DHX9: variants seen among roughly 807,000 people sequenced by gnomAD.
DHX9 encodes the protein ATP-dependent RNA helicase A.
A neutral mutation model predicts 148.7 loss-of-function variants in DHX9; 27 were observed. The ratio of observed to expected loss-of-function variants is 0.18; its 90% CI spans 0.13 to 0.25. DHX9 has a LOEUF of 0.25. Among genes scored for constraint, DHX9 ranks in the 10% least tolerant of loss-of-function variants. The pLI, the probability that DHX9 is intolerant of heterozygous loss-of-function variation, is 1.00. For missense variants in DHX9, 796 were observed against 1,559.6 expected (o/e 0.51, Z 8.25); for synonymous variants, 529 against 516.6 (o/e 1.02, Z -0.33).
intron 7 of DHX9, among the ~76,000 whole-genome samples, chr1:182,857,328 G>A (rs971475765): frequency 3.3e-5 from 5 of 152,144 alleles, no homozygotes; most frequent in African/African-American, 1.2e-4. Flanking sequence ...CTCTCCTAAG[G>A]ATGAATGATA....
intron 21 of DHX9, among the ~76,000 whole-genome samples, chr1:182,880,128 A>C (rs533742510): frequency 3.3e-5 from 5 of 152,190 alleles, no homozygotes; most frequent in African/African-American, 1.2e-4. Context: ...TTTATCTACT[A>C]TGTAACTTCA....
intron 3 of DHX9, among the ~76,000 whole-genome samples, chr1:182,847,427 A>G (rs984117989): frequency 2.0e-5 from 3 of 152,140 alleles, no homozygotes; most frequent in African/African-American, 7.2e-5. Flanking sequence ...TCAAACTGCA[A>G]ATGCTGTCTT....
intron 3 of DHX9, among the ~76,000 whole-genome samples, chr1:182,851,117 A>G (rs1465619080): frequency 3.3e-5 from 5 of 152,306 alleles, no homozygotes; most frequent in Middle Eastern, 3.4e-3. Context: ...AATAGGTTCT[A>G]CTTTGTCTCC....
Position 182,871,712 on chromosome 1 carries a change from G to A in DHX9, c.1558-625G>A, listed in dbSNP as rs554528757. 3.3e-5 allele frequency among the ~76,000 whole-genome samples: 5 copies of A among 152,336 alleles called. No individual in the cohort carries two copies. In the South Asian group the frequency reaches 1.0e-3, roughly 32 times the overall value. ...CATCAGAAAGGATGAGTATAGTAAT[G>A]TGTGGATGAATCTTAGCAATGCTGT... On this transcript the variant is annotated intron_variant, in intron 14 of 27. Transcript: ENST00000367549.
At chr1:182,853,536 T>C in intron 5 of DHX9, 118 bp downstream of exon 5, 3 of 686,630 alleles carry the variant, frequency 4.4e-6, no homozygotes, top group Non-Finnish European at 7.3e-6. Context: ...TAAGAGGTTA[T>C]TTGAGACTAC....
intron 3 of DHX9, 104 bp from the exon 4 acceptor site, chr1:182,852,129 A>G: frequency 3.2e-6 from 2 of 634,682 alleles, no homozygotes; most frequent in South Asian, 2.2e-5. Context: ...TAATATTACA[A>G]AGAAAGGAGG....
intron 1 of DHX9, among the ~76,000 whole-genome samples, chr1:182,840,194 GAT>G (rs1489060906): frequency 6.6e-6 from 1 of 151,846 alleles, no homozygotes; most frequent in African/African-American, 2.4e-5. Flanking sequence ...TGGCAGGAGA[GAT>G]GGGGAGAAAC....
At chr1:182,851,781 T>C (rs1002353479) in intron 3 of DHX9, among the ~76,000 whole-genome samples, 3 of 152,054 alleles carry the variant, frequency 2.0e-5, no homozygotes, top group Non-Finnish European at 4.4e-5. Context: ...AAGAGAAAAA[T>C]ATCTATTCCG....
chr1:182,880,740 C>G, intron 22 of DHX9, 132 bp downstream of exon 22: 1 of 621,682 alleles, frequency 1.6e-6, no homozygotes, highest in Non-Finnish European at 2.9e-6. Flanking sequence ...AGTAACATAC[C>G]TAGATATTGA....
intron 18 of DHX9, 40 bp from the exon 19 acceptor site, chr1:182,876,789 AT>A: frequency 6.8e-7 from 1 of 1,463,824 alleles, no homozygotes; most frequent in Non-Finnish European, 9.5e-7. Context: ...TAAGTAACTA[AT>A]AAGAATATTT....
chr1:182,851,859 C>T (rs1668156997), intron 3 of DHX9, among the ~76,000 whole-genome samples: 1 of 152,038 alleles, frequency 6.6e-6, no homozygotes, highest in Non-Finnish European at 1.5e-5. Flanking sequence ...CAATAAAATA[C>T]TTAAGAAATG....
At position 182,866,887 on chromosome 1, in the gene DHX9, GAAATAT is replaced by G. The variant is rs983032548; in HGVS notation, c.1475-72_1475-67del. On this transcript the variant is annotated intron_variant, in intron 13 of 27. Coordinates refer to ENST00000367549, the MANE Select transcript of DHX9 (RefSeq NM_001357.5). ...AAAATGATGCTGGGGTCTCTTAGTT[GAAATAT>G]AGATAATTGTCCATAGATTTACTAC... 1.1e-5 allele frequency: 13 copies of G among 1,173,182 alleles called. No individual in the cohort carries two copies. The Admixed American group carries it at 1.2e-4, about 10-fold the overall frequency. 72.7% of individuals were successfully genotyped at this position (1,173,182 alleles called of 1,614,324 possible). A position where few individuals can be genotyped will look rare whatever the true frequency, so the allele number is the denominator to read the frequency against.
In DHX9 at chr1:182,872,223, G is replaced by A. The variant is rs1392684335; in HGVS notation, c.1558-114G>A. ...GTCCTTTATCTTGGCACTTCTGTGA[G>A]TCATCTAAGAAACTGAATTTAATTG... On this transcript the variant is annotated intron_variant, in intron 14 of 27. Coordinates refer to ENST00000367549, the MANE Select transcript of DHX9 (RefSeq NM_001357.5). The A allele has an allele frequency of 7.3e-6, 6 of 825,058 alleles. No homozygotes were observed. In the East Asian group the frequency reaches 1.5e-4, roughly 21 times the overall value. The allele number at this position is 825,058 out of a possible 1,614,324, so 51.1% of individuals were successfully genotyped here. A position where few individuals can be genotyped will look rare whatever the true frequency, so the allele number is the denominator to read the frequency against.
In DHX9 at chr1:182,858,787, G is replaced by A; in HGVS notation, c.955G>A (p.Glu319Lys). The A allele has an allele frequency of 6.2e-7, 1 of 1,614,044 alleles. No individual in the cohort carries two copies. The change falls in exon 10 of 28, where the codon GAA becomes AAA. Residue 319 changes from glutamate to lysine, a missense_variant. This residue lies in a region of DHX9 where 63 missense variants were observed against 78.6 expected (regional missense o/e 0.80). Transcript: ENST00000367549. ...ALNIGKLAQFEPSQRQNQVGV... is the reference protein window; with the variant it reads ...ALNIGKLAQFKPSQRQNQVGV... ...CAACATTGGCAAATTGGCTCAGTTCGAACCATCTCAGCGACAAAACCAAGT... is the reference window on the plus strand; with the variant it reads ...CAACATTGGCAAATTGGCTCAGTTCAAACCATCTCAGCGACAAAACCAAGT...
At chr1:182,876,403 C>T in intron 17 of DHX9, 44 bp from the exon 18 acceptor site, 1 of 1,585,036 alleles carries the variant, frequency 6.3e-7, no homozygotes, top group Non-Finnish European at 8.7e-7. Flanking sequence ...TGTTTGAAAC[C>T]AGCTCCTGTT....
Position 182,872,375 on chromosome 1 carries a change from G to T in DHX9, c.1596G>T (p.Gln532His). The T allele has an allele frequency of 6.2e-7, 1 of 1,613,842 alleles. No individual in the cohort carries two copies. The highest frequency in any genetic ancestry group is 8.5e-7 in the Non-Finnish European group (1 of 1,179,940). The change falls in exon 15 of 28, where the codon CAG (glutamine) becomes CAT (histidine). Residue 532 changes from glutamine to histidine, a missense_variant. Transcript: ENST00000367549. The part of the protein sequence containing the change: ...FLLVVLRDVV[Q>H]AYPEVRIVLM... ...TGGTAGTACTGCGTGATGTTGTTCA[G>T]GCTTATCCTGAAGTTCGCATTGTTC...
rs149684645 is a variant in DHX9 at position 182,865,731 on chromosome 1, A to G, written c.1333-713A>G. 5.0e-3 allele frequency among the ~76,000 whole-genome samples: 765 copies of G among 152,340 alleles called. 3 individuals carry two copies. Among genetic ancestry groups the G allele is most frequent in the South Asian group, 0.018 (88 of 4,826 alleles). On this transcript the variant is annotated intron_variant, in intron 12 of 27. Transcript: ENST00000367549. ...CCAAGGCACCTTAAAAGCATGCAGT[A>G]TATAAATCTTCGTGTACCTCTGTAG...
At chr1:182,861,709 G>T (rs1668366926) in intron 12 of DHX9, among the ~76,000 whole-genome samples, 1 of 152,192 alleles carries the variant, frequency 6.6e-6, no homozygotes, top group Non-Finnish European at 1.5e-5. Flanking sequence ...ATGTTCAGTG[G>T]CATGGAAATG....
intron 1 of DHX9, among the ~76,000 whole-genome samples, chr1:182,841,983 A>G (rs907401580): frequency 6.6e-6 from 1 of 152,210 alleles, no homozygotes; most frequent in African/African-American, 2.4e-5. Context: ...AACTTTGGGG[A>G]CAATATGCTA....
Sources: allele counts gnomAD v4.1 joint callset (sites outside exome capture counted in the v4.1 genomes callset), GRCh38; gene constraint gnomAD v4.1.1; regional missense constraint gnomAD v4.1.1; transcripts MANE v1.5; gene names NCBI Gene and HGNC (gene_info 2026-07-23, HGNC 2026-07-21).